Variants in EPB41L4B observed in about 807,000 individuals in gnomAD.
The protein encoded by EPB41L4B is band 4.1-like protein 4B.
A neutral mutation model predicts 112.5 loss-of-function variants in EPB41L4B; 30 were observed. The observed-to-expected ratio is 0.27, with a 90% confidence interval of 0.20 to 0.36. The LOEUF is 0.36. EPB41L4B is among the 10% of genes least tolerant of loss of function. The pLI, the probability that EPB41L4B is intolerant of heterozygous loss-of-function variation, is 1.00. For synonymous variants in EPB41L4B, 408 were observed against 439.7 expected (o/e 0.93, Z 0.90); for missense variants, 1,024 against 1,133.3 (o/e 0.90, Z 1.38).
At chr9:109,204,431 C>G (rs1277636858) in intron 18 of EPB41L4B, among the ~76,000 whole-genome samples, 1 of 152,148 alleles carries the variant, frequency 6.6e-6, no homozygotes, top group Non-Finnish European at 1.5e-5. Context: ...ATTAGCCTGT[C>G]AAGATTGCCC....
intron 1 of EPB41L4B, among the ~76,000 whole-genome samples, chr9:109,312,137 T>A (rs902816948): frequency 4.0e-5 from 6 of 151,822 alleles, no homozygotes; most frequent in African/African-American, 1.5e-4. Flanking sequence ...GAAATGTGGA[T>A]GGGGAGGAGA....
intron 1 of EPB41L4B, among the ~76,000 whole-genome samples, chr9:109,283,276 C>A (rs1347360924): frequency 6.6e-6 from 1 of 152,204 alleles, no homozygotes; most frequent in Non-Finnish European, 1.5e-5. Context: ...CTTCTTGTAA[C>A]CCAGTAAACT....
chr9:109,316,645 G>A (rs1588245060), intron 1 of EPB41L4B, among the ~76,000 whole-genome samples: 1 of 152,322 alleles, frequency 6.6e-6, no homozygotes, highest in Admixed American at 6.5e-5. Context: ...GGCTCAGGCT[G>A]GCACTCTGGT....
rs924361488 is a variant in EPB41L4B at position 109,241,666 on chromosome 9, A to G, written c.1409+1952T>C. The G allele has an allele frequency of 1.9e-6, 3 of 1,614,118 alleles. No homozygotes were observed. The Admixed American group carries it at 5.0e-5, about 27-fold the overall frequency. The stretch of plus-strand genomic sequence containing the variant: ...GAAGAGAGATGCTTCAGTCTCTCAA[A>G]GTGCAGTCATGAGTTTATCTCGATA... On this transcript the variant is annotated intron_variant, in intron 15 of 25. Transcript: ENST00000374566.
At chr9:109,308,500 A>C (rs1209368529) in intron 1 of EPB41L4B, among the ~76,000 whole-genome samples, 4 of 152,248 alleles carry the variant, frequency 2.6e-5, no homozygotes, top group African/African-American at 9.6e-5. Context: ...CTTAGATAGA[A>C]TATCTATCAA....
chr9:109,315,575 A>G (rs1034625121), intron 1 of EPB41L4B, among the ~76,000 whole-genome samples: 4 of 152,104 alleles, frequency 2.6e-5, no homozygotes, highest in Admixed American at 6.6e-5. Flanking sequence ...GACGCTGACA[A>G]TCAGGGTTCC....
intron 19 of EPB41L4B, among the ~76,000 whole-genome samples, chr9:109,201,005 T>C (rs749001939): frequency 6.6e-6 from 1 of 152,208 alleles, no homozygotes; most frequent in Non-Finnish European, 1.5e-5. Flanking sequence ...TGGTCATGAC[T>C]AATTTCATTT....
At chr9:109,302,683 T>C (rs1331037844) in intron 1 of EPB41L4B, among the ~76,000 whole-genome samples, 1 of 151,932 alleles carries the variant, frequency 6.6e-6, no homozygotes, top group East Asian at 1.9e-4. Flanking sequence ...GATCCAACGT[T>C]CTCCACAGGA....
rs1272859768 is a variant in EPB41L4B, at chr9:109,187,609, C to T, written c.2302-2004G>A. The stretch of plus-strand genomic sequence containing the variant: ...CCTCAGGAACAGTTCCCACTACTGC[C>T]CCAGGGCATCCATACTCCAACCAGA... On this transcript the variant is annotated intron_variant, in intron 22 of 25. Coordinates refer to ENST00000374566, the MANE Select transcript of EPB41L4B (RefSeq NM_019114.5). Among the ~76,000 whole-genome samples, 7 of 152,234 alleles carry T rather than the reference C, an allele frequency of 4.6e-5. No individual in the cohort carries two copies. In the East Asian group the frequency reaches 1.4e-3, roughly 29 times the overall value.
chr9:109,319,930 G>A (rs949313850), intron 1 of EPB41L4B, among the ~76,000 whole-genome samples: 6 of 152,168 alleles, frequency 3.9e-5, no homozygotes, highest in Non-Finnish European at 5.9e-5. Flanking sequence ...ATGTGCCAAG[G>A]AGGGGGCACG....
chr9:109,301,373 A>G (rs1836959877), intron 1 of EPB41L4B, among the ~76,000 whole-genome samples: 1 of 152,154 alleles, frequency 6.6e-6, no homozygotes, highest in Non-Finnish European at 1.5e-5. Flanking sequence ...TGGGGATGGT[A>G]GTAAATTGCA....
chr9:109,311,858 C>A (rs571577111), intron 1 of EPB41L4B, among the ~76,000 whole-genome samples: 1 of 152,302 alleles, frequency 6.6e-6, no homozygotes, highest in South Asian at 2.1e-4. Context: ...CCGAGGCCAT[C>A]TGCTCTCCGA....
chr9:109,237,870 G>T (rs1834205423), intron 15 of EPB41L4B, among the ~76,000 whole-genome samples: 2 of 152,078 alleles, frequency 1.3e-5, no homozygotes, highest in Non-Finnish European at 2.9e-5. Flanking sequence ...CTACTGGTGT[G>T]GTGGTAATGC....
rs375531172 is a variant in EPB41L4B, at chr9:109,265,612, AG to A, written c.534-589del. 7.0e-3 allele frequency among the ~76,000 whole-genome samples: 1,069 copies of A among 152,314 alleles called. 10 individuals are homozygous for A. The highest frequency in any genetic ancestry group is 0.024 in the African/African-American group (992 of 41,560). On this transcript the variant is annotated intron_variant, in intron 4 of 25. Coordinates refer to ENST00000374566, the MANE Select transcript of EPB41L4B (RefSeq NM_019114.5). ...CTGGCACTGGACTGCAAATGGTTAG[AG>A]GGGTAACAAAAAATGAGAAAGAAGC...
intron 25 of EPB41L4B, among the ~76,000 whole-genome samples, chr9:109,175,197 A>T (rs1053967456): frequency 1.3e-5 from 2 of 152,048 alleles, no homozygotes; most frequent in African/African-American, 2.4e-5. Flanking sequence ...GATTACAGGC[A>T]TGAGCCACCA....
chr9:109,233,526 C>T (rs887064689), intron 15 of EPB41L4B, among the ~76,000 whole-genome samples: 3 of 148,630 alleles, frequency 2.0e-5, no homozygotes, highest in Non-Finnish European at 4.4e-5. Flanking sequence ...TTCTGGGAAC[C>T]TACTTTTTTT....
At position 109,172,445 on chromosome 9, in the gene EPB41L4B, TA is replaced by T. The variant is rs1038466413; in HGVS notation, c.*2108del. On this transcript the variant is annotated 3_prime_UTR_variant, in exon 26 of 26. Coordinates refer to ENST00000374566, the MANE Select transcript of EPB41L4B (RefSeq NM_019114.5). ...GTTTTAAAAGTATAGCCGGGGGACA[TA>T]GGGGTAAAAGGACCCAAACGCTACA... 3.9e-5 allele frequency: 6 copies of T among 152,270 alleles called. No homozygotes were observed. In the South Asian group the frequency reaches 8.3e-4, roughly 21 times the overall value. 9.4% of individuals were successfully genotyped at this position (152,270 alleles called of 1,614,324 possible). A position where few individuals can be genotyped will look rare whatever the true frequency, so the allele number is the denominator to read the frequency against.
At chr9:109,305,307 A>T (rs1385145180) in intron 1 of EPB41L4B, among the ~76,000 whole-genome samples, 1 of 152,140 alleles carries the variant, frequency 6.6e-6, no homozygotes, top group Non-Finnish European at 1.5e-5. Flanking sequence ...CCCTTAAGGG[A>T]TAAGAATCAG....
At chr9:109,230,920 C>T (rs539028456) in intron 15 of EPB41L4B, among the ~76,000 whole-genome samples, 3 of 152,136 alleles carry the variant, frequency 2.0e-5, no homozygotes, top group Non-Finnish European at 4.4e-5. Flanking sequence ...CACTGGGAGG[C>T]CAATGTAGGC....
Sources: gnomAD v4.1 joint callset for allele counts (sites outside exome capture counted in the v4.1 genomes callset) on GRCh38, gnomAD v4.1.1 for gene constraint, MANE v1.5 for transcripts, NCBI Gene and HGNC (gene_info 2026-07-23, HGNC 2026-07-21) for gene names.